Variants in DNAH7 observed in about 807,000 individuals in gnomAD.
The protein encoded by DNAH7 is dynein axonemal heavy chain 7.
DNAH7 carries 397 observed loss-of-function variants against 444.6 expected under a neutral mutation model. The observed-to-expected ratio is 0.89, with a 90% CI of 0.82 to 0.97. The LOEUF (loss-of-function observed/expected upper bound fraction) is 0.97. DNAH7 is among the 50% of genes least tolerant of loss of function. The pLI, the probability that DNAH7 is intolerant of heterozygous loss-of-function variation, is 0.00. For missense variants in DNAH7, 4,902 were observed against 4,800.8 expected (o/e 1.02, Z -0.62); for synonymous variants, 1,636 against 1,624.4 (o/e 1.01, Z -0.17).
chr2:195,990,950 T>TATATACTTAAATATATATAC (rs896476673), intron 12 of DNAH7, among the ~76,000 whole-genome samples: 7 of 143,708 alleles, frequency 4.9e-5, no homozygotes, highest in African/African-American at 1.8e-4. Flanking sequence ...TATATACATA[T>TATATACTTAAATATATATAC]ATATACTTAA....
intron 10 of DNAH7, among the ~76,000 whole-genome samples, chr2:196,010,707 T>G (rs771749644): frequency 2.0e-5 from 3 of 152,052 alleles, no homozygotes; most frequent in Non-Finnish European, 4.4e-5. Context: ...AAAGAAAATA[T>G]AGTGTGTGTA....
chr2:195,926,579 G>C lies in DNAH7; in HGVS notation c.3472-13C>G, dbSNP rs374438011. The C allele has an allele frequency of 1.3e-5, 21 of 1,577,976 alleles. No homozygotes were observed. Among genetic ancestry groups the C allele is most frequent in the African/African-American group, 4.1e-5 (3 of 72,924 alleles). On this transcript the variant is annotated splice_polypyrimidine_tract_variant and intron_variant, in intron 21 of 64. Transcript: ENST00000312428. Reference sequence around the variant, plus strand: ...CATCTCCAGTTACCTAATCAAAAAAGAATATGCTAAATATTAACCATTTCC... The same window carrying C: ...CATCTCCAGTTACCTAATCAAAAAACAATATGCTAAATATTAACCATTTCC...
At chr2:195,919,038 CAGG>C (rs773625854) in intron 24 of DNAH7, among the ~76,000 whole-genome samples, 7 of 151,990 alleles carry the variant, frequency 4.6e-5, no homozygotes, top group South Asian at 2.1e-4. Context: ...ATCACGAGGT[CAGG>C]AGATCAAGAC....
intron 12 of DNAH7, among the ~76,000 whole-genome samples, chr2:195,999,741 AAAAATTGGAAACTCAATG>A (rs1299385799): frequency 6.6e-5 from 10 of 152,190 alleles, no homozygotes; most frequent in Non-Finnish European, 1.3e-4. Flanking sequence ...AAATAGAATA[AAAAATTGGAAACTCAATG>A]AAAAGGATAT....
chr2:195,824,338 T>C lies in DNAH7; in HGVS notation c.9208A>G (p.Thr3070Ala), dbSNP rs1312152375. Residue 3070 changes from threonine to alanine, a missense_variant, in exon 49 of 65, where the codon ACA becomes GCA. Coordinates refer to ENST00000312428, the MANE Select transcript of DNAH7 (RefSeq NM_018897.3). ...GSTCIRLGDS[T>A]IEYAPDFRFY... Reference sequence around the variant, plus strand: ...CGGAAGTCAGGTGCATATTCAATTGTGGAGTCCCCAAGCCGGATACATGTA... The same window carrying C: ...CGGAAGTCAGGTGCATATTCAATTGCGGAGTCCCCAAGCCGGATACATGTA... 6.2e-7 allele frequency: 1 copy of C among 1,613,970 alleles called. No individual in the cohort carries two copies. The highest frequency in any genetic ancestry group is 1.3e-5 in the African/African-American group (1 of 75,034).
chr2:195,963,883 T>C (rs1343322844), intron 17 of DNAH7, among the ~76,000 whole-genome samples: 2 of 152,246 alleles, frequency 1.3e-5, no homozygotes, highest in Admixed American at 6.5e-5. Context: ...TCCCAAAGTA[T>C]GTCCTTGGCA....
In DNAH7 at chr2:195,778,643, A is replaced by AATATATAT. The variant is rs1169066622; in HGVS notation, c.10879-666_10879-659dup. 5.9e-3 allele frequency among the ~76,000 whole-genome samples: 331 copies of AATATATAT among 56,214 alleles called. 35 individuals carry two copies. Among genetic ancestry groups the AATATATAT allele is most frequent in the Middle Eastern group, 0.019 (2 of 106 alleles). The allele number at this position is 56,214 out of a possible 152,430, so 36.9% of individuals were successfully genotyped here. A position where few individuals can be genotyped will look rare whatever the true frequency, so the allele number is the denominator to read the frequency against. On this transcript the variant is annotated intron_variant, in intron 58 of 64. Transcript: ENST00000312428. ...GAAAAAAAAAAAAAATAAATAAATAAATATATATATATATATATATATATA... is the reference window on the plus strand; with the variant it reads ...GAAAAAAAAAAAAAATAAATAAATAAATATATATATATATATATATATATATATATATA...
chr2:195,778,844 CTT>C (rs11286753), intron 58 of DNAH7, among the ~76,000 whole-genome samples: 141 of 125,890 alleles, frequency 1.1e-3, no homozygotes, highest in East Asian at 1.8e-3. Flanking sequence ...CAATTGTACA[CTT>C]TTTTTTTTTT....
intron 25 of DNAH7, among the ~76,000 whole-genome samples, chr2:195,907,495 A>G (rs1328376763): frequency 6.6e-6 from 1 of 152,192 alleles, no homozygotes; most frequent in Non-Finnish European, 1.5e-5. Flanking sequence ...CCATTCGATC[A>G]TAAGGAAAAA....
chr2:196,047,612 C>A, intron 4 of DNAH7, 113 bp from the exon 5 acceptor site: 2 of 910,262 alleles, frequency 2.2e-6, no homozygotes, highest in Non-Finnish European at 3.0e-6. Context: ...ATTACATTAT[C>A]AAGTAATCCT....
chr2:195,895,217 G>C lies in DNAH7; in HGVS notation c.4655C>G (p.Thr1552Ser), dbSNP rs774947211. ...TTTTACCCCAGGAAACAAATCCGAA[G>C]TAATTCCCTGATGATAGATGATTTG... ...SHDLPLFEGI[T>S]SDLFPGVKLP... is the part of the protein sequence containing the mutation. The change falls in exon 30 of 65, where the codon ACT (threonine) becomes AGT (serine). Residue 1552 changes from threonine (T) to serine (S), a missense_variant. Thr to Ser is a moderately conservative substitution (Grantham distance 58). Transcript: ENST00000312428. 1.9e-6 allele frequency: 3 copies of C among 1,601,414 alleles called. No individual in the cohort carries two copies. The South Asian group carries it at 3.4e-5, about 18-fold the overall frequency.
intron 64 of DNAH7, among the ~76,000 whole-genome samples, chr2:195,738,669 T>C (rs1199065128): frequency 6.6e-6 from 1 of 152,216 alleles, no homozygotes; most frequent in African/African-American, 2.4e-5. Flanking sequence ...GTCATTAAAT[T>C]CCTACAATTT....
chr2:195,903,288 T>C (rs1319545019), intron 27 of DNAH7: 1 of 152,160 alleles, frequency 6.6e-6, no homozygotes, highest in Non-Finnish European at 1.5e-5. Context: ...TTTAAGGAAC[T>C]GCAAATCGAT....
chr2:195,857,815 C>T (rs1699796860), intron 43 of DNAH7, 92 bp from the exon 44 acceptor site: 1 of 1,111,218 alleles, frequency 9.0e-7, no homozygotes, highest in East Asian at 2.6e-5. Context: ...CATACAGAAA[C>T]TCACTGTGTT....
intron 50 of DNAH7, 25 bp from the exon 51 acceptor site, chr2:195,816,988 G>T: frequency 6.7e-7 from 1 of 1,490,502 alleles, no homozygotes. Flanking sequence ...AATTTTCTTA[G>T]AAGAAAAAGA....
chr2:195,859,544 G>A (rs547904710), intron 42 of DNAH7, among the ~76,000 whole-genome samples: 38 of 152,076 alleles, frequency 2.5e-4, no homozygotes, highest in Admixed American at 7.2e-4. Flanking sequence ...ATGTCTCCAA[G>A]TAAAAAAATG....
intron 22 of DNAH7, among the ~76,000 whole-genome samples, chr2:195,925,865 T>G (rs2125367317): frequency 6.6e-6 from 1 of 152,288 alleles, no homozygotes; most frequent in Admixed American, 6.5e-5. Context: ...ATGAATGTAA[T>G]TTTAGTTTTT....
Position 195,897,713 on chromosome 2 carries a change from T to C in DNAH7, c.4601A>G (p.Asp1534Gly), listed in dbSNP as rs1702407515. ...EEILLLRSII[D>G]VNLPKFLSHD... ...GGATAAAAATTTTGGCAGATTTACA[T>C]CAATGATAGATCTAAGCAGCAAAAT... The change falls in exon 29 of 65, where the codon GAT (aspartate) becomes GGT (glycine). Residue 1534 changes from aspartate (D) to glycine (G), a missense_variant. Transcript: ENST00000312428. 1.9e-6 allele frequency: 3 copies of C among 1,601,926 alleles called. No individual in the cohort carries two copies. The highest frequency in any genetic ancestry group is 1.1e-5 in the South Asian group (1 of 88,866).
At chr2:195,809,455 C>T (rs1330863467) in intron 52 of DNAH7, among the ~76,000 whole-genome samples, 3 of 152,022 alleles carry the variant, frequency 2.0e-5, no homozygotes, top group East Asian at 1.9e-4. Flanking sequence ...CTGGTGTAAA[C>T]GTATCAATAT....
Sources: gnomAD v4.1 joint callset for allele counts (sites outside exome capture counted in the v4.1 genomes callset) on GRCh38, gnomAD v4.1.1 for gene constraint, MANE v1.5 for transcripts, NCBI Gene and HGNC (gene_info 2026-07-23, HGNC 2026-07-21) for gene names.